ZDHHC20: variants seen among roughly 807,000 people sequenced by gnomAD.
ZDHHC20 encodes the protein palmitoyltransferase ZDHHC20.
Under a neutral mutation model 57.8 loss-of-function variants are expected in ZDHHC20, and 43 were observed. That is an observed-to-expected ratio of 0.74 (90% CI 0.58 to 0.96). The LOEUF (loss-of-function observed/expected upper bound fraction) is 0.96, where lower values mean the gene tolerates loss of function less well. Ranked by LOEUF, ZDHHC20 falls within the 40% of genes least tolerant of loss-of-function variation. ZDHHC20 has a pLI of 0.00. For missense variants in ZDHHC20, 391 were observed against 441.1 expected (o/e 0.89, Z 1.02); for synonymous variants, 157 against 153.0 (o/e 1.03, Z -0.19).
At chr13:21,452,502 T>G (rs1304715387) in intron 1 of ZDHHC20, among the ~76,000 whole-genome samples, 1 of 152,088 alleles carries the variant, frequency 6.6e-6, no homozygotes, top group East Asian at 1.9e-4. Flanking sequence ...TGACACTAGA[T>G]GGATTTACAA....
intron 1 of ZDHHC20, among the ~76,000 whole-genome samples, chr13:21,437,967 A>T (rs1457699330): frequency 6.6e-6 from 1 of 152,228 alleles, no homozygotes; most frequent in African/African-American, 2.4e-5. Context: ...CTGGGATTAC[A>T]GGCGTGAGCC....
chr13:21,380,822 A>T (rs1380513901), intron 11 of ZDHHC20, among the ~76,000 whole-genome samples: 1 of 151,758 alleles, frequency 6.6e-6, no homozygotes, highest in African/African-American at 2.4e-5. Context: ...TTGCTTATTC[A>T]GAACAGCCAA....
intron 7 of ZDHHC20, among the ~76,000 whole-genome samples, chr13:21,397,442 G>A (rs566050649): frequency 2.0e-5 from 3 of 152,180 alleles, no homozygotes; most frequent in South Asian, 4.2e-4. Flanking sequence ...TGGGAGGACT[G>A]TTTGAGATCA....
At chr13:21,448,236 T>G (rs1414084588) in intron 1 of ZDHHC20, among the ~76,000 whole-genome samples, 12 of 41,548 alleles carry the variant, frequency 2.9e-4, no homozygotes, top group South Asian at 1.9e-3. Flanking sequence ...ATCCGGGAGG[T>G]GAGGGGCGCC....
intron 7 of ZDHHC20, among the ~76,000 whole-genome samples, chr13:21,396,529 T>G (rs1448406859): frequency 2.6e-5 from 4 of 152,074 alleles, no homozygotes; most frequent in East Asian, 3.8e-4. Context: ...AGCAGAAATG[T>G]AAGACATAAA....
chr13:21,458,933 GGGCCGGACGCCC>G, intron 1 of ZDHHC20, 109 bp downstream of exon 1: 1 of 692,700 alleles, frequency 1.4e-6, no homozygotes, highest in East Asian at 3.5e-5. Context: ...AGCGCGTTCG[GGGCCGGACGCCC>G]GGCGTCCGGC....
intron 1 of ZDHHC20, among the ~76,000 whole-genome samples, chr13:21,432,359 TCG>T (rs1882061877): frequency 6.7e-6 from 1 of 150,362 alleles, no homozygotes; most frequent in Non-Finnish European, 1.5e-5. Context: ...AGACAGAGTC[TCG>T]CTCTGTAGCC....
rs1384568666 is a variant in ZDHHC20 at position 21,373,985 on chromosome 13, G to A, written c.*2711C>T. On this transcript the variant is annotated 3_prime_UTR_variant, in exon 13 of 13. Coordinates refer to ENST00000400590, the MANE Select transcript of ZDHHC20 (RefSeq NM_001330059.2). ...AAAAGATGTTTGCTGTGCTATTAAA[G>A]ATGTTAAATAACAAAAATTAAAAGA... 1 of 152,358 alleles carries A rather than the reference G, an allele frequency of 6.6e-6. No individual in the cohort carries two copies. Among genetic ancestry groups the A allele is most frequent in the Non-Finnish European group, 1.5e-5 (1 of 68,140 alleles). The allele number at this position is 152,358 out of a possible 1,614,324, so 9.4% of individuals were successfully genotyped here.
At chr13:21,452,064 G>A (rs1033768105) in intron 1 of ZDHHC20, among the ~76,000 whole-genome samples, 2 of 151,310 alleles carry the variant, frequency 1.3e-5, no homozygotes, top group Non-Finnish European at 1.5e-5. Context: ...ATTTTTCTTG[G>A]TTTTTATGCT....
At chr13:21,415,081 G>A (rs771722390) in intron 3 of ZDHHC20, among the ~76,000 whole-genome samples, 17 of 152,082 alleles carry the variant, frequency 1.1e-4, no homozygotes, top group Non-Finnish European at 2.2e-4. Flanking sequence ...TCCTCTTGCT[G>A]CCCCATCATT....
intron 1 of ZDHHC20, among the ~76,000 whole-genome samples, chr13:21,449,610 T>C (rs4770158): frequency 0.59 from 89,568 of 151,856 alleles, 27,284 homozygotes; most frequent in Non-Finnish European, 0.68. Flanking sequence ...AGACTATTTC[T>C]TGATGGAAGA....
chr13:21,402,942 T>TAA, intron 4 of ZDHHC20, 76 bp from the exon 5 acceptor site: 2 of 1,115,886 alleles, frequency 1.8e-6, no homozygotes, highest in Admixed American at 2.4e-5. Context: ...CTTGATTTTC[T>TAA]AAAAAAAATA....
At chr13:21,396,014 T>C (rs914292185) in intron 7 of ZDHHC20, among the ~76,000 whole-genome samples, 10 of 152,158 alleles carry the variant, frequency 6.6e-5, no homozygotes, top group African/African-American at 2.4e-4. Context: ...AGCAGTCCTC[T>C]GCCTTCATCA....
intron 2 of ZDHHC20, among the ~76,000 whole-genome samples, chr13:21,424,658 C>G (rs1196087841): frequency 6.6e-6 from 1 of 151,618 alleles, no homozygotes; most frequent in Non-Finnish European, 1.5e-5. Flanking sequence ...TTGCAGTGAG[C>G]CTAGATTGCG....
chr13:21,456,429 T>TA (rs769583521), intron 1 of ZDHHC20, among the ~76,000 whole-genome samples: 1 of 151,954 alleles, frequency 6.6e-6, no homozygotes, highest in Non-Finnish European at 1.5e-5. Context: ...CATATATAAA[T>TA]AAAAAGAATA....
At chr13:21,392,679 C>G (rs1315206419) in intron 7 of ZDHHC20, among the ~76,000 whole-genome samples, 1 of 152,180 alleles carries the variant, frequency 6.6e-6, no homozygotes, top group East Asian at 1.9e-4. Context: ...TAAATGTTAG[C>G]TCTTAAAATA....
chr13:21,400,282 A>ATCTAC, intron 7 of ZDHHC20, 91 bp downstream of exon 7: 1 of 1,241,900 alleles, frequency 8.1e-7, no homozygotes, highest in Non-Finnish European at 1.1e-6. Flanking sequence ...ATTAAAGTAT[A>ATCTAC]TCTACTTGTC....
chr13:21,444,673 G>T (rs1883504710), intron 1 of ZDHHC20, among the ~76,000 whole-genome samples: 1 of 152,190 alleles, frequency 6.6e-6, no homozygotes, highest in African/African-American at 2.4e-5. Flanking sequence ...CTACGTGAAA[G>T]TTAGTAGGTA....
At chr13:21,447,361 C>T (rs370359201) in intron 1 of ZDHHC20, among the ~76,000 whole-genome samples, 24,700 of 145,538 alleles carry the variant, frequency 0.17, 2,495 homozygotes, top group Non-Finnish European at 0.25. Flanking sequence ...TGGACTGTAC[C>T]GCTGCCATCT....
Sources: gnomAD v4.1 joint callset for allele counts (sites outside exome capture counted in the v4.1 genomes callset) on GRCh38, gnomAD v4.1.1 for gene constraint, MANE v1.5 for transcripts, NCBI Gene and HGNC (gene_info 2026-07-23, HGNC 2026-07-21) for gene names.